HNF1B: variants seen among roughly 807,000 people sequenced by gnomAD.
HNF1B encodes hepatocyte nuclear factor 1-beta.
HNF1B carries 8 observed loss-of-function variants against 61.7 expected under a neutral mutation model. The observed-to-expected ratio is 0.13, with a 90% confidence interval of 0.08 to 0.23. The LOEUF (loss-of-function observed/expected upper bound fraction) is 0.23. Ranked by LOEUF, HNF1B falls within the 10% of genes least tolerant of loss-of-function variation. The pLI is 1.00. For synonymous variants in HNF1B, 314 were observed against 287.7 expected, an observed-to-expected ratio of 1.09 and a Z score of -0.93; for missense variants, 562 against 714.5, an observed-to-expected ratio of 0.79 and a Z score of 2.43.
At chr17:37,707,595 T>C (rs766975625) in intron 5 of HNF1B, among the ~76,000 whole-genome samples, 6 of 152,214 alleles carry the variant, frequency 3.9e-5, no homozygotes, top group Non-Finnish European at 8.8e-5. Flanking sequence ...GGTATTATTA[T>C]CCCTATTTCA....
chr17:37,726,947 T>C (rs1183459159), intron 4 of HNF1B, among the ~76,000 whole-genome samples: 2 of 152,130 alleles, frequency 1.3e-5, no homozygotes, highest in African/African-American at 4.8e-5. Context: ...CGGAGGCTGA[T>C]GAAGACCTTT....
intron 3 of HNF1B, among the ~76,000 whole-genome samples, chr17:37,733,227 T>C (rs2033739705): frequency 6.6e-6 from 1 of 152,206 alleles, no homozygotes; most frequent in African/African-American, 2.4e-5. Flanking sequence ...GTATCTTCCC[T>C]GGAAGAATAA....
At chr17:37,737,878 A>T (rs1459289887) in intron 2 of HNF1B, among the ~76,000 whole-genome samples, 1 of 152,110 alleles carries the variant, frequency 6.6e-6, no homozygotes. Context: ...AAAAATAACA[A>T]TAACAACAAT....
intron 3 of HNF1B, among the ~76,000 whole-genome samples, chr17:37,733,263 G>A (rs1264327085): frequency 2.6e-5 from 4 of 152,134 alleles, no homozygotes; most frequent in Admixed American, 2.0e-4. Flanking sequence ...GTACTCTACC[G>A]AAGATTCCAT....
At chr17:37,738,020 T>C (rs1407162071) in intron 2 of HNF1B, among the ~76,000 whole-genome samples, 2 of 152,210 alleles carry the variant, frequency 1.3e-5, no homozygotes, top group South Asian at 2.1e-4. Context: ...GAAATTCTCA[T>C]TGAATACAGA....
chr17:37,700,916 G>A (rs2032544480), intron 7 of HNF1B, 67 bp downstream of exon 7: 8 of 1,428,596 alleles, frequency 5.6e-6, no homozygotes, highest in Non-Finnish European at 6.7e-6. Context: ...TTCAGACCCA[G>A]AGAGGGAAAG....
intron 6 of HNF1B, among the ~76,000 whole-genome samples, chr17:37,704,619 C>G (rs2032679368): frequency 6.6e-6 from 1 of 152,182 alleles, no homozygotes; most frequent in Admixed American, 6.5e-5. Context: ...ATCACTTTAA[C>G]AACCTATTTT....
At chr17:37,687,846 G>C (rs1338740060) in intron 8 of HNF1B, among the ~76,000 whole-genome samples, 2 of 152,140 alleles carry the variant, frequency 1.3e-5, no homozygotes, top group South Asian at 2.1e-4. Context: ...ACAAGTACCA[G>C]AGAGCCTGTG....
intron 6 of HNF1B, 149 bp downstream of exon 6, chr17:37,704,768 G>A (rs1267267396): frequency 4.5e-6 from 4 of 880,680 alleles, no homozygotes; most frequent in South Asian, 2.8e-5. Flanking sequence ...TGGATTTAAG[G>A]AGACAGATGA....
intron 8 of HNF1B, among the ~76,000 whole-genome samples, chr17:37,689,094 G>A (rs1469871322): frequency 1.4e-5 from 2 of 139,080 alleles, no homozygotes; most frequent in Non-Finnish European, 3.0e-5. Flanking sequence ...GTGGTGAGCC[G>A]ATATTATGCT....
intron 8 of HNF1B, among the ~76,000 whole-genome samples, chr17:37,691,855 G>C (rs1242650263): frequency 6.6e-6 from 1 of 152,164 alleles, no homozygotes; most frequent in Non-Finnish European, 1.5e-5. Flanking sequence ...GAAGGGGATA[G>C]ATGATGAGGC....
At chr17:37,739,379 A>G in intron 2 of HNF1B, 61 bp downstream of exon 2, 1 of 1,488,356 alleles carries the variant, frequency 6.7e-7, no homozygotes, top group Non-Finnish European at 9.4e-7. Flanking sequence ...TGAGGCAGCC[A>G]ATGGGGTGAG....
rs186675391 is a variant in HNF1B, at chr17:37,699,994, G to A, written c.1535-800C>T. ...TAATTTTTTATGCTTACCAAACGCA[G>A]TTTACCCCTATGTTTATTTCATATT... On this transcript the variant is annotated intron_variant, in intron 7 of 8. Coordinates refer to ENST00000617811, the MANE Select transcript of HNF1B (RefSeq NM_000458.4). Among the ~76,000 whole-genome samples the A allele has an allele frequency of 1.7e-4, 26 of 152,260 alleles. No homozygotes were observed. The East Asian group carries it at 5.0e-3, about 29-fold the overall frequency.
At chr17:37,734,174 C>G (rs990336780) in intron 2 of HNF1B, among the ~76,000 whole-genome samples, 7 of 152,198 alleles carry the variant, frequency 4.6e-5, no homozygotes, top group Non-Finnish European at 1.0e-4. Context: ...AGTGGGTGAG[C>G]TCAATCAAGT....
At chr17:37,721,436 G>A (rs1246857430) in intron 4 of HNF1B, among the ~76,000 whole-genome samples, 1 of 152,134 alleles carries the variant, frequency 6.6e-6, no homozygotes, top group African/African-American at 2.4e-5. Flanking sequence ...AAGACTGGAT[G>A]CCACACACAG....
chr17:37,741,185 T>C (rs1254304018), intron 1 of HNF1B, among the ~76,000 whole-genome samples: 1 of 152,210 alleles, frequency 6.6e-6, no homozygotes, highest in Non-Finnish European at 1.5e-5. Context: ...TAATAAGCAA[T>C]TTTATTTCTA....
chr17:37,725,072 G>A (rs897137951), intron 4 of HNF1B, among the ~76,000 whole-genome samples: 1 of 152,072 alleles, frequency 6.6e-6, no homozygotes, highest in Non-Finnish European at 1.5e-5. Context: ...TAGCTTCAAA[G>A]GCCCTTGCAC....
intron 1 of HNF1B, among the ~76,000 whole-genome samples, chr17:37,744,340 A>G (rs770938231): frequency 6.6e-6 from 1 of 152,152 alleles, no homozygotes; most frequent in Non-Finnish European, 1.5e-5. Context: ...GCCTGGGGAG[A>G]AGAAGCCCGG....
intron 6 of HNF1B, among the ~76,000 whole-genome samples, chr17:37,703,230 A>T (rs1414963985): frequency 6.6e-6 from 1 of 152,192 alleles, no homozygotes; most frequent in Non-Finnish European, 1.5e-5. Context: ...TGTCTACCCC[A>T]AGTGTACACA....
Sources: allele counts gnomAD v4.1 joint callset (sites outside exome capture counted in the v4.1 genomes callset), GRCh38; gene constraint gnomAD v4.1.1; transcripts MANE v1.5; gene names NCBI Gene and HGNC (gene_info 2026-07-23, HGNC 2026-07-21).